PPARD: variants seen among roughly 807,000 people sequenced by gnomAD.
PPARD encodes the protein peroxisome proliferator-activated receptor delta.
In PPARD, 6 loss-of-function variants were observed where a neutral mutation model predicts 39.5. That is an observed-to-expected ratio of 0.15 (90% confidence interval 0.08 to 0.30). The LOEUF (loss-of-function observed/expected upper bound fraction) is 0.30, where lower values mean the gene tolerates loss of function less well. PPARD is among the 10% of genes least tolerant of loss of function. PPARD has a pLI of 1.00. For missense variants in PPARD, 397 were observed against 596.8 expected, an observed-to-expected ratio of 0.67 and a Z score of 3.49; for synonymous variants, 210 against 231.3, an observed-to-expected ratio of 0.91 and a Z score of 0.83.
chr6:35,349,070 G>C (rs1582266577), intron 2 of PPARD: 1 of 963,338 alleles, frequency 1.0e-6, no homozygotes, highest in Non-Finnish European at 1.2e-6. Flanking sequence ...CTGTCACCCA[G>C]GCTGGAGTGC....
In PPARD at chr6:35,363,279, A is replaced by G. The variant is rs1329081537; in HGVS notation, c.-102+16129A>G. Among the ~76,000 whole-genome samples the G allele has an allele frequency of 6.6e-6, 1 of 152,100 alleles. No homozygotes were observed. Among genetic ancestry groups the G allele is most frequent in the Non-Finnish European group, 1.5e-5 (1 of 68,016 alleles). ...TGCACACAGGTTGGGCTAGGAATTC[A>G]TGCTTAAAAGCAGGCTGATTTCCAT... On this transcript the variant is annotated intron_variant, in intron 2 of 7. Transcript: ENST00000360694. The surrounding 1 kb of genome is among the most constrained non-coding windows in gnomAD (Gnocchi z 4.5).
At chr6:35,422,356 C>T (rs1051904294) in intron 5 of PPARD, among the ~76,000 whole-genome samples, 1 of 152,192 alleles carries the variant, frequency 6.6e-6, no homozygotes, top group Non-Finnish European at 1.5e-5. Context: ...GGTGGCCCTT[C>T]TTGGTTATAG....
In PPARD at chr6:35,426,851, T is replaced by G. The variant is rs960302536; in HGVS notation, c.*772T>G. On this transcript the variant is annotated 3_prime_UTR_variant, in exon 8 of 8. Coordinates refer to ENST00000360694, the MANE Select transcript of PPARD (RefSeq NM_006238.5). The stretch of plus-strand genomic sequence containing the variant: ...ACCCAGTGTCCTTCCATCTTCACAC[T>G]GGTTTGCCAGGCCAATGTTGCTGAT... 1 of 152,424 alleles carries G rather than the reference T, an allele frequency of 6.6e-6. No homozygotes were observed. Among genetic ancestry groups the G allele is most frequent in the Non-Finnish European group, 1.5e-5 (1 of 68,198 alleles). 9.4% of individuals were successfully genotyped at this position (152,424 alleles called of 1,614,324 possible). A position where few individuals can be genotyped will look rare whatever the true frequency, so the allele number is the denominator to read the frequency against.
intron 2 of PPARD, among the ~76,000 whole-genome samples, chr6:35,394,049 CG>C (rs1172003109): frequency 6.6e-6 from 1 of 152,206 alleles, no homozygotes; most frequent in Non-Finnish European, 1.5e-5. Context: ...TGTTGATGCT[CG>C]TTTTAAAAAC....
intron 2 of PPARD, among the ~76,000 whole-genome samples, chr6:35,351,266 T>C (rs61280851): frequency 0.096 from 14,442 of 151,194 alleles, 1,249 homozygotes; most frequent in African/African-American, 0.23. Flanking sequence ...ACCTCGTGAT[T>C]CACCCGCGTC....
chr6:35,372,362 A>G lies in PPARD; in HGVS notation c.-102+25212A>G, dbSNP rs575156850. On this transcript the variant is annotated intron_variant, in intron 2 of 7. Transcript: ENST00000360694. ...CCGGCAAGTTTTTGTATTTTTTAGT[A>G]GAGACGGGGTTTCACCATGTTGGCC... is the stretch of plus-strand genomic sequence containing the variant. 3.3e-5 allele frequency among the ~76,000 whole-genome samples: 5 copies of G among 152,192 alleles called. No individual in the cohort carries two copies. In the East Asian group the frequency reaches 7.7e-4, roughly 24 times the overall value.
chr6:35,399,496 C>T (rs973696399), intron 2 of PPARD, among the ~76,000 whole-genome samples: 10 of 148,780 alleles, frequency 6.7e-5, no homozygotes, highest in Non-Finnish European at 1.0e-4. Flanking sequence ...ACTTGTGATC[C>T]GGGAGGAGTT....
chr6:35,386,427 G>T (rs1763665822), intron 2 of PPARD, among the ~76,000 whole-genome samples: 1 of 151,284 alleles, frequency 6.6e-6, no homozygotes, highest in African/African-American at 2.4e-5. Context: ...GGAGGTTGAG[G>T]CTGCAGTGAG....
intron 2 of PPARD, among the ~76,000 whole-genome samples, chr6:35,350,916 C>T (rs1373824278): frequency 4.6e-5 from 7 of 151,858 alleles, no homozygotes; most frequent in Non-Finnish European, 8.8e-5. Context: ...CATGAGCCAC[C>T]GCGCCTGGGC....
intron 2 of PPARD, among the ~76,000 whole-genome samples, chr6:35,381,694 T>C (rs933323434): frequency 6.6e-6 from 1 of 152,180 alleles, no homozygotes; most frequent in African/African-American, 2.4e-5. Context: ...CCTCCATTAG[T>C]TGCAAGGGAG....
rs146289882 is a variant in PPARD, at chr6:35,424,073, T to C, written c.552T>C (p.Asn184=). The C allele has an allele frequency of 4.3e-6, 7 of 1,613,974 alleles. No homozygotes were observed. Among genetic ancestry groups the C allele is most frequent in the Non-Finnish European group, 5.9e-6 (7 of 1,180,034 alleles). ...AGGCCTTCTCCAAGCACATCTACAA[T>C]GCCTACCTGAAAAACTTCAACATGA... ...DLKAFSKHIY[N]AYLKNFNMTK... is the part of the protein sequence containing the mutation. The change falls in exon 6 of 8, where the codon AAT becomes AAC. Residue 184 remains asparagine, a synonymous_variant. Coordinates refer to ENST00000360694, the MANE Select transcript of PPARD (RefSeq NM_006238.5). This position sits in a 1 kb window ranked among gnomAD's most constrained non-coding sequence, Gnocchi z 7.1.
intron 2 of PPARD, among the ~76,000 whole-genome samples, chr6:35,398,976 G>A (rs866229348): frequency 1.3e-5 from 2 of 152,070 alleles, no homozygotes; most frequent in South Asian, 2.1e-4. Context: ...TTAGCCGGGC[G>A]TGGTGACGCA....
rs1250749529 is a variant in PPARD at position 35,411,204 on chromosome 6, C to T, written c.117C>T (p.Ser39=). The T allele has an allele frequency of 1.3e-6, 2 of 1,541,336 alleles. No individual in the cohort carries two copies. Among genetic ancestry groups the T allele is most frequent in the Admixed American group, 1.9e-5 (1 of 52,584 alleles). Reference sequence around the variant, plus strand: ...GGGGACCACAGCATGCACTTCCTTCCAGCAGCTACACAGGTGAGGAGAGGA... The same window carrying T: ...GGGGACCACAGCATGCACTTCCTTCTAGCAGCTACACAGGTGAGGAGAGGA... ...LNGGPQHALP[S]SSYTDLSRSS... Residue 39 remains serine, a synonymous_variant, in exon 3 of 8, where the codon TCC becomes TCT. Transcript: ENST00000360694.
intron 5 of PPARD, among the ~76,000 whole-genome samples, chr6:35,422,694 G>A (rs1294071643): frequency 7.2e-5 from 11 of 152,156 alleles, no homozygotes; most frequent in South Asian, 2.1e-4. Context: ...CTCCATTTGC[G>A]GCTCTCCTGG....
chr6:35,408,904 T>C (rs1359324630), intron 2 of PPARD, among the ~76,000 whole-genome samples: 6 of 152,196 alleles, frequency 3.9e-5, no homozygotes, highest in Non-Finnish European at 8.8e-5. Flanking sequence ...CCAAAGTCAG[T>C]GTGTTGTTCA....
At position 35,366,781 on chromosome 6, in the gene PPARD, C is replaced by G. The variant is rs1204618436; in HGVS notation, c.-102+19631C>G. ...GCCAGGCTGGTCTTGAACTCCTGGC[C>G]TCAAGTAATCCACCCACTTTGGCCT... On this transcript the variant is annotated intron_variant, in intron 2 of 7. Coordinates refer to ENST00000360694, the MANE Select transcript of PPARD (RefSeq NM_006238.5). The surrounding 1 kb of genome is among the most constrained non-coding windows in gnomAD (Gnocchi z 4.6). Among the ~76,000 whole-genome samples the G allele has an allele frequency of 6.6e-6, 1 of 152,094 alleles. No individual in the cohort carries two copies.
intron 3 of PPARD, among the ~76,000 whole-genome samples, chr6:35,413,684 CTTT>C (rs569625848): frequency 7.2e-6 from 1 of 139,704 alleles, no homozygotes. Context: ...ATGTGTGATT[CTTT>C]TTTTTTTTTT....
chr6:35,422,200 C>G (rs1766216878), intron 5 of PPARD, among the ~76,000 whole-genome samples: 1 of 152,146 alleles, frequency 6.6e-6, no homozygotes, highest in African/African-American at 2.4e-5. Flanking sequence ...GTAGTGTTTA[C>G]CTCCCTATAC....
At chr6:35,410,739 CT>C (rs754198794) in intron 2 of PPARD, among the ~76,000 whole-genome samples, 23 of 152,180 alleles carry the variant, frequency 1.5e-4, no homozygotes, top group Middle Eastern at 3.2e-3. Flanking sequence ...GATGTGTCAC[CT>C]CTCTAGTTTA....
Sources: gnomAD v4.1 joint callset for allele counts (sites outside exome capture counted in the v4.1 genomes callset) on GRCh38, gnomAD v4.1.1 for gene constraint, Gnocchi (gnomAD v3.1) non-coding constraint, MANE v1.5 for transcripts, NCBI Gene and HGNC (gene_info 2026-07-23, HGNC 2026-07-21) for gene names.